The following RTN4RL1 variants were observed in gnomAD, a reference collection of about 807,000 sequenced individuals.
RTN4RL1 encodes reticulon 4 receptor like 1.
RTN4RL1 carries 7 observed loss-of-function variants against 25.6 expected under a neutral mutation model. That is an observed-to-expected ratio of 0.27 (90% CI 0.16 to 0.51). The LOEUF is 0.51. Ranked by LOEUF, RTN4RL1 falls within the 20% of genes least tolerant of loss-of-function variation. The pLI, the probability that RTN4RL1 is intolerant of heterozygous loss-of-function variation, is 0.97. For synonymous variants in RTN4RL1, 297 were observed against 288.2 expected (o/e 1.03, Z -0.31); for missense variants, 500 against 615.6 (o/e 0.81, Z 1.99).
intron 1 of RTN4RL1, among the ~76,000 whole-genome samples, chr17:1,939,139 T>C (rs1032841585): frequency 6.6e-6 from 1 of 151,754 alleles, no homozygotes; most frequent in Non-Finnish European, 1.5e-5. Flanking sequence ...GATCACGAGG[T>C]CAGGAGATCG....
intron 1 of RTN4RL1, among the ~76,000 whole-genome samples, chr17:2,012,214 G>A (rs958107666): frequency 1.6e-4 from 25 of 152,320 alleles, no homozygotes; most frequent in East Asian, 3.9e-4. Context: ...AAACACATCT[G>A]CCAAGTACAA....
At chr17:1,952,342 T>TTG (rs1915702460) in intron 1 of RTN4RL1, among the ~76,000 whole-genome samples, 2 of 147,026 alleles carry the variant, frequency 1.4e-5, no homozygotes, top group African/African-American at 5.0e-5. Context: ...GTTTTTTTTT[T>TTG]TTTTTTTTTT....
intron 1 of RTN4RL1, among the ~76,000 whole-genome samples, chr17:1,999,243 G>C (rs8080567): frequency 0.68 from 101,908 of 150,572 alleles, 34,681 homozygotes; most frequent in Middle Eastern, 0.72. Context: ...ATCAAGAGTT[G>C]GAGACCATCC....
At chr17:1,949,452 A>G (rs1342696937) in intron 1 of RTN4RL1, among the ~76,000 whole-genome samples, 4 of 152,166 alleles carry the variant, frequency 2.6e-5, no homozygotes, top group Admixed American at 2.0e-4. Flanking sequence ...GGTGTCAACA[A>G]TGCAAAACAG....
chr17:1,968,536 T>A (rs2066803053), intron 1 of RTN4RL1, among the ~76,000 whole-genome samples: 1 of 152,216 alleles, frequency 6.6e-6, no homozygotes, highest in Non-Finnish European at 1.5e-5. Flanking sequence ...CAGGAGGATT[T>A]CTGACTCTGC....
Position 1,940,480 on chromosome 17 carries a change from C to T in RTN4RL1, c.14-2672G>A, listed in dbSNP as rs144282568. 2.0e-3 allele frequency among the ~76,000 whole-genome samples: 302 copies of T among 152,252 alleles called. 2 individuals carry two copies. The highest frequency in any genetic ancestry group is 3.3e-3 in the Non-Finnish European group (222 of 67,996). On this transcript the variant is annotated intron_variant, in intron 1 of 1. Coordinates refer to ENST00000331238, the MANE Select transcript of RTN4RL1 (RefSeq NM_178568.4). Reference sequence around the variant, plus strand: ...CGTAGGAGATGATGGCAGTGTCCACCGTCTCCACTTGGAGGCTCAGATCTG... The same window carrying T: ...CGTAGGAGATGATGGCAGTGTCCACTGTCTCCACTTGGAGGCTCAGATCTG...
chr17:2,016,614 G>A (rs775740929), intron 1 of RTN4RL1, among the ~76,000 whole-genome samples: 4 of 152,254 alleles, frequency 2.6e-5, no homozygotes, highest in Non-Finnish European at 5.9e-5. Flanking sequence ...TGCATACAGG[G>A]CTGCGGTGAG....
chr17:2,000,165 C>T (rs2066950684), intron 1 of RTN4RL1, among the ~76,000 whole-genome samples: 2 of 152,232 alleles, frequency 1.3e-5, no homozygotes, highest in Admixed American at 1.3e-4. Context: ...TAGCAGCCAC[C>T]GCTGCCCCAG....
chr17:1,999,088 GCGCGATCACACACACACACACACACACA>G (rs907503368), intron 1 of RTN4RL1, among the ~76,000 whole-genome samples: 2 of 82,116 alleles, frequency 2.4e-5, no homozygotes, highest in African/African-American at 1.3e-4. Flanking sequence ...CCAGACACAT[GCGCGATCACACACACACACACACACACA>G]CGCTGCACTG....
At chr17:2,017,358 T>TG (rs777612462) in intron 1 of RTN4RL1, among the ~76,000 whole-genome samples, 35 of 152,196 alleles carry the variant, frequency 2.3e-4, no homozygotes, top group Non-Finnish European at 4.7e-4. Context: ...GGCCCATCGC[T>TG]GGGGGCTGCA....
At chr17:2,011,552 C>A (rs943017501) in intron 1 of RTN4RL1, among the ~76,000 whole-genome samples, 1 of 152,014 alleles carries the variant, frequency 6.6e-6, no homozygotes, top group Non-Finnish European at 1.5e-5. Flanking sequence ...GAGGAGCTGG[C>A]GGGGTGGAGG....
Position 1,994,536 on chromosome 17 carries a change from G to A in RTN4RL1, c.13+30317C>T, listed in dbSNP as rs967381758. Among the ~76,000 whole-genome samples the A allele has an allele frequency of 6.6e-6, 1 of 152,148 alleles. No individual in the cohort carries two copies. The highest frequency in any genetic ancestry group is 1.5e-5 in the Non-Finnish European group (1 of 68,036). ...CTCCATCCCCTTCCCACCAGCTTGC[G>A]AGCTTATCAAACCCACAATTTGGGA... On this transcript the variant is annotated intron_variant, in intron 1 of 1. Coordinates refer to ENST00000331238, the MANE Select transcript of RTN4RL1 (RefSeq NM_178568.4). The surrounding 1 kb of genome is among the most constrained non-coding windows in gnomAD (Gnocchi z 4.3).
intron 1 of RTN4RL1, among the ~76,000 whole-genome samples, chr17:1,947,651 C>G (rs570602481): frequency 6.6e-6 from 1 of 152,226 alleles, no homozygotes; most frequent in Non-Finnish European, 1.5e-5. Context: ...CTGGGAATGC[C>G]GTGCTAATTA....
At chr17:1,968,923 C>T (rs568776625) in intron 1 of RTN4RL1, among the ~76,000 whole-genome samples, 137 of 152,300 alleles carry the variant, frequency 9.0e-4, no homozygotes, top group African/African-American at 3.1e-3. Flanking sequence ...TGCCAGGCCA[C>T]ATATAAAAAT....
intron 1 of RTN4RL1, among the ~76,000 whole-genome samples, chr17:2,007,716 C>T (rs539256494): frequency 1.2e-4 from 19 of 152,216 alleles, no homozygotes; most frequent in African/African-American, 4.3e-4. Flanking sequence ...GAGGCCAAGG[C>T]GGTCAGACCA....
At position 1,984,002 on chromosome 17, in the gene RTN4RL1, T is replaced by C. The variant is rs577773274; in HGVS notation, c.13+40851A>G. ...CTGGAATAAGGGCTGGCCGGAGCCC[T>C]GAGGCCGAGGAAACCCCCAGATCAT... is the stretch of plus-strand genomic sequence containing the variant. On this transcript the variant is annotated intron_variant, in intron 1 of 1. Transcript: ENST00000331238. 6.6e-5 allele frequency among the ~76,000 whole-genome samples: 10 copies of C among 152,322 alleles called. No homozygotes were observed. The South Asian group carries it at 1.4e-3, about 22-fold the overall frequency.
chr17:2,001,927 T>TGGGGGAGGAG (rs533325282), intron 1 of RTN4RL1, among the ~76,000 whole-genome samples: 1 of 146,194 alleles, frequency 6.8e-6, no homozygotes, highest in Non-Finnish European at 1.5e-5. Context: ...ACTTCAGCCC[T>TGGGGGAGGAG]GGGGGAGGGG....
intron 1 of RTN4RL1, among the ~76,000 whole-genome samples, chr17:1,979,795 G>A (rs1005672523): frequency 1.3e-5 from 2 of 152,230 alleles, no homozygotes; most frequent in Non-Finnish European, 2.9e-5. Context: ...TCTTTGGAGA[G>A]CACCTCCCCA....
chr17:1,943,687 C>T (rs1293320634), intron 1 of RTN4RL1, among the ~76,000 whole-genome samples: 1 of 152,244 alleles, frequency 6.6e-6, no homozygotes, highest in Non-Finnish European at 1.5e-5. Context: ...TTGGCACTGT[C>T]CCTCCATGCT....
Sources: gnomAD v4.1 joint callset for allele counts (sites outside exome capture counted in the v4.1 genomes callset) on GRCh38, gnomAD v4.1.1 for gene constraint, Gnocchi (gnomAD v3.1) non-coding constraint, MANE v1.5 for transcripts, NCBI Gene and HGNC (gene_info 2026-07-23, HGNC 2026-07-21) for gene names.